PTPN6: variants seen among roughly 807,000 people sequenced by gnomAD.
The protein encoded by PTPN6 is tyrosine-protein phosphatase non-receptor type 6.
PTPN6 carries 18 observed loss-of-function variants against 81.5 expected under a neutral mutation model. The observed-to-expected ratio is 0.22, with a 90% confidence interval of 0.15 to 0.33. The LOEUF is 0.33. PTPN6 is among the 10% of genes least tolerant of loss of function. The probability of loss-of-function intolerance (pLI) is 1.00; values close to 1 mark genes in which losing one functional copy is unlikely to be tolerated. For synonymous variants in PTPN6, 301 were observed against 310.9 expected, an observed-to-expected ratio of 0.97 and a Z score of 0.33; for missense variants, 500 against 794.2, an observed-to-expected ratio of 0.63 and a Z score of 4.45.
chr12:6,956,280 G>C lies in PTPN6; in HGVS notation c.924+59G>C, dbSNP rs1049269942. ...GGGCCCTGGGAATTCCCTGTCTGGT[G>C]GGGGGACCCTAGATCCAGAGACAGC... is the stretch of plus-strand genomic sequence containing the variant. On this transcript the variant is annotated intron_variant, in intron 8 of 15. Coordinates refer to ENST00000318974, the MANE Select transcript of PTPN6 (RefSeq NM_002831.6). This position sits in a 1 kb window ranked among gnomAD's most constrained non-coding sequence, Gnocchi z 4.1. The C allele has an allele frequency of 3.1e-6, 5 of 1,607,346 alleles. No individual in the cohort carries two copies. Among genetic ancestry groups the C allele is most frequent in the Non-Finnish European group, 3.4e-6 (4 of 1,174,268 alleles).
Position 6,954,760 on chromosome 12 carries a change from C to A in PTPN6, c.327-45C>A, listed in dbSNP as rs373972674. The stretch of plus-strand genomic sequence containing the variant: ...TGTGAATGTCTCTGCTCAGCGCCTT[C>A]CCCTGTGGCCTGGGTCTTACCTTCC... On this transcript the variant is annotated intron_variant, in intron 3 of 15. Coordinates refer to ENST00000318974, the MANE Select transcript of PTPN6 (RefSeq NM_002831.6). This position sits in a 1 kb window ranked among gnomAD's most constrained non-coding sequence, Gnocchi z 5.4. The A allele has an allele frequency of 3.2e-6, 5 of 1,587,236 alleles. No individual in the cohort carries two copies. In the African/African-American group the frequency reaches 5.4e-5, roughly 17 times the overall value.
rs1179500053 is a variant in PTPN6, at chr12:6,958,084, T to C, written c.1361+11T>C. The C allele has an allele frequency of 1.2e-6, 2 of 1,609,064 alleles. No homozygotes were observed. Among genetic ancestry groups the C allele is most frequent in the Non-Finnish European group, 1.7e-6 (2 of 1,179,994 alleles). ...CATCGTGCACTGCAGGTGAGGATGA[T>C]AATCCTGATGGTAGTAGTGACAGCT... is the stretch of plus-strand genomic sequence containing the variant. On this transcript the variant is annotated intron_variant, in intron 11 of 15. Coordinates refer to ENST00000318974, the MANE Select transcript of PTPN6 (RefSeq NM_002831.6).
rs1555148930 is a variant in PTPN6 at position 6,957,655 on chromosome 12, A to G, written c.1076A>G (p.Asn359Ser). Residue 359 changes from asparagine (N) to serine (S), a missense_variant and splice_region_variant, in exon 10 of 16, where the codon AAC (asparagine) becomes AGC (serine). By Grantham distance (46) the Asn-to-Ser change is conservative (BLOSUM62 1). This residue lies in a region of PTPN6 where 226 missense variants were observed against 364.4 expected (regional missense o/e 0.62). Transcript: ENST00000318974. This position sits in a 1 kb window ranked among gnomAD's most constrained non-coding sequence, Gnocchi z 6.5. ...MTTREVEKGRNKCVPYWPEVG... is the reference protein window; with the variant it reads ...MTTREVEKGRSKCVPYWPEVG... ...CCCCACCCGACCCTCCCTTTCCAGA[A>G]CAAATGCGTCCCATACTGGCCCGAG... 3 of 1,612,814 alleles carry G rather than the reference A, an allele frequency of 1.9e-6. No individual in the cohort carries two copies. The highest frequency in any genetic ancestry group is 1.7e-4 in the Middle Eastern group (1 of 6,056).
At position 6,957,646 on chromosome 12, in the gene PTPN6, C is replaced by CCCA; in HGVS notation, c.1075-8_1075-7insCCA. ...GTGCCTCATCCCCACCCGACCCTCCCTTTCCAGAACAAATGCGTCCCATAC... is the reference window on the plus strand; with the variant it reads ...GTGCCTCATCCCCACCCGACCCTCCCCCATTTCCAGAACAAATGCGTCCCATAC... On this transcript the variant is annotated splice_region_variant and splice_polypyrimidine_tract_variant and intron_variant, in intron 9 of 15. Transcript: ENST00000318974. The surrounding 1 kb of genome is among the most constrained non-coding windows in gnomAD (Gnocchi z 6.5). 6.2e-7 allele frequency: 1 copy of CCCA among 1,609,348 alleles called. No homozygotes were observed. The highest frequency in any genetic ancestry group is 8.5e-7 in the Non-Finnish European group (1 of 1,176,790).
Position 6,951,693 on chromosome 12 carries a change from C to T in PTPN6, c.93C>T (p.Pro31=). The change falls in exon 2 of 16, where the codon CCC becomes CCT. Residue 31 remains proline, a synonymous_variant. Transcript: ENST00000318974. The surrounding 1 kb of genome is among the most constrained non-coding windows in gnomAD (Gnocchi z 7.2). The part of the protein sequence containing the change: ...RGVHGSFLAR[P]SRKNQGDFSL... ...TCCACGGTAGCTTCCTGGCTCGGCC[C>T]AGTCGCAAGAACCAGGGTGACTTCT... 1 of 1,613,610 alleles carries T rather than the reference C, an allele frequency of 6.2e-7. No individual in the cohort carries two copies. The highest frequency in any genetic ancestry group is 1.1e-5 in the South Asian group (1 of 91,080).
chr12:6,959,612 T>G lies in PTPN6; in HGVS notation c.1362-315T>G. 18 of 519,314 alleles carry G rather than the reference T, an allele frequency of 3.5e-5. No individual in the cohort carries two copies. The highest frequency in any genetic ancestry group is 1.0e-4 in the East Asian group (3 of 29,204). 32.2% of individuals were successfully genotyped at this position (519,314 alleles called of 1,614,324 possible). A position where few individuals can be genotyped will look rare whatever the true frequency, so the allele number is the denominator to read the frequency against. On this transcript the variant is annotated intron_variant, in intron 11 of 15. Coordinates refer to ENST00000318974, the MANE Select transcript of PTPN6 (RefSeq NM_002831.6). This position sits in a 1 kb window ranked among gnomAD's most constrained non-coding sequence, Gnocchi z 6.6. The stretch of plus-strand genomic sequence containing the variant: ...GGGAGCCGGCAGGACAGTGGTGGGA[T>G]TTGGGGGTCCCAGGTCTTCCGGGGT...
Position 6,957,394 on chromosome 12 carries a change from C to CA in PTPN6, c.1075-259dup, listed in dbSNP as rs1946050037. ...TGTCTGTGAAGCTGTGTGGTTTGCA[C>CA]AGCTTCGGGGACAATGCCTGCCCTG... On this transcript the variant is annotated intron_variant, in intron 9 of 15. Transcript: ENST00000318974. This position sits in a 1 kb window ranked among gnomAD's most constrained non-coding sequence, Gnocchi z 6.5. Among the ~76,000 whole-genome samples the CA allele has an allele frequency of 6.6e-6, 1 of 152,244 alleles. No individual in the cohort carries two copies. Among genetic ancestry groups the CA allele is most frequent in the Non-Finnish European group, 1.5e-5 (1 of 68,042 alleles).
upstream of PTPN6, chr12:6,946,822 G>C: frequency 7.0e-7 from 1 of 1,421,922 alleles, no homozygotes; most frequent in Non-Finnish European, 9.8e-7. Flanking sequence ...ACTCCGACGT[G>C]TGTGAACGTG....
Position 6,957,882 on chromosome 12 carries a change from GA to G in PTPN6, c.1207-36del. On this transcript the variant is annotated intron_variant, in intron 10 of 15. Transcript: ENST00000318974. The surrounding 1 kb of genome is among the most constrained non-coding windows in gnomAD (Gnocchi z 6.5). ...GGGTGAGATGGATGAGGTGTTCCGA[GA>G]GAGGAGGGGGCACTGACCCTATGTC... The G allele has an allele frequency of 6.2e-7, 1 of 1,614,026 alleles. No homozygotes were observed. The highest frequency in any genetic ancestry group is 8.5e-7 in the Non-Finnish European group (1 of 1,180,024).
rs950701763 is a variant in PTPN6, at chr12:6,960,461, C to T, written c.1673+26C>T. 1.6e-5 allele frequency: 25 copies of T among 1,598,858 alleles called. No individual in the cohort carries two copies. Among genetic ancestry groups the T allele is most frequent in the African/African-American group, 8.0e-5 (6 of 74,710 alleles). On this transcript the variant is annotated intron_variant, in intron 14 of 15. Coordinates refer to ENST00000318974, the MANE Select transcript of PTPN6 (RefSeq NM_002831.6). The surrounding 1 kb of genome is among the most constrained non-coding windows in gnomAD (Gnocchi z 6.1). Reference sequence around the variant, plus strand: ...GTGAGTGGCCCTGACTGCCACTGCCCGGCATCCACCCCTTTGTCCTGCCCA... The same window carrying T: ...GTGAGTGGCCCTGACTGCCACTGCCTGGCATCCACCCCTTTGTCCTGCCCA...
At chr12:6,946,814 T>TC, upstream of PTPN6, 2 of 1,458,242 alleles carry the variant, frequency 1.4e-6, no homozygotes, top group Non-Finnish European at 9.5e-7. Context: ...TGATGCTCAC[T>TC]CCGACGTGTG....
chr12:6,956,447 C>T lies in PTPN6; in HGVS notation c.953C>T (p.Ala318Val), dbSNP rs1555148704. The T allele has an allele frequency of 1.2e-6, 2 of 1,614,168 alleles. No individual in the cohort carries two copies. Among genetic ancestry groups the T allele is most frequent in the South Asian group, 2.2e-5 (2 of 91,084 alleles). ...CAGCTGCTAGGCCCTGATGAGAACG[C>T]TAAGACCTACATCGCCAGCCAGGGT... Reference protein sequence around the residue: ...KNQLLGPDENAKTYIASQGCL... With the variant: ...KNQLLGPDENVKTYIASQGCL... Residue 318 changes from alanine to valine, a missense_variant, in exon 9 of 16, where the codon GCT becomes GTT. Coordinates refer to ENST00000318974, the MANE Select transcript of PTPN6 (RefSeq NM_002831.6). This position sits in a 1 kb window ranked among gnomAD's most constrained non-coding sequence, Gnocchi z 4.1.
At position 6,955,320 on chromosome 12, in the gene PTPN6, G is replaced by A. The variant is rs1400578733; in HGVS notation, c.634-52G>A. On this transcript the variant is annotated intron_variant, in intron 5 of 15. Coordinates refer to ENST00000318974, the MANE Select transcript of PTPN6 (RefSeq NM_002831.6). This position sits in a 1 kb window ranked among gnomAD's most constrained non-coding sequence, Gnocchi z 7.2. ...ACTTCCCCTGAGCTGTCCCCCAGAT[G>A]TGAGCTTCTGGGATCTCTGAGTTGC... 4 of 1,611,104 alleles carry A rather than the reference G, an allele frequency of 2.5e-6. No homozygotes were observed. The African/African-American group carries it at 4.0e-5, about 16-fold the overall frequency.
Position 6,955,123 on chromosome 12 carries a change from G to A in PTPN6, c.517-28G>A. ...ACCCAGGGAGGGAGACTCAAGTCCT[G>A]TGAATGGCCTAATTTGGCTCCCCCC... On this transcript the variant is annotated intron_variant, in intron 4 of 15. Coordinates refer to ENST00000318974, the MANE Select transcript of PTPN6 (RefSeq NM_002831.6). This position sits in a 1 kb window ranked among gnomAD's most constrained non-coding sequence, Gnocchi z 7.2. 1 of 1,612,536 alleles carries A rather than the reference G, an allele frequency of 6.2e-7. No homozygotes were observed. Among genetic ancestry groups the A allele is most frequent in the Non-Finnish European group, 8.5e-7 (1 of 1,178,512 alleles).
chr12:6,952,385 CCCCGAGGAAG>C lies in PTPN6; in HGVS notation c.326+211_326+220del. ...CTAACCTACCACCCTTTCCACCTAA[CCCCGAGGAAG>C]CCACAGAAAGCTGCCTCGCCCTACT... On this transcript the variant is annotated intron_variant, in intron 3 of 15. Transcript: ENST00000318974. The surrounding 1 kb of genome is among the most constrained non-coding windows in gnomAD (Gnocchi z 8.1). 1.6e-6 allele frequency: 1 copy of C among 638,936 alleles called. No homozygotes were observed. The highest frequency in any genetic ancestry group is 2.7e-6 in the Non-Finnish European group (1 of 372,426). 39.6% of individuals were successfully genotyped at this position (638,936 alleles called of 1,614,324 possible). A position where few individuals can be genotyped will look rare whatever the true frequency, so the allele number is the denominator to read the frequency against.
At chr12:6,948,117 C>G (rs1052059866), upstream of PTPN6, among the ~76,000 whole-genome samples, 1 of 151,576 alleles carries the variant, frequency 6.6e-6, no homozygotes, top group Non-Finnish European at 1.5e-5. Flanking sequence ...GAGACCCCAT[C>G]TCTATTAAAA....
upstream of PTPN6, among the ~76,000 whole-genome samples, chr12:6,950,152 G>T (rs192919300): frequency 6.7e-6 from 1 of 148,772 alleles, no homozygotes; most frequent in East Asian, 2.0e-4. Flanking sequence ...TACCCTAAAA[G>T]TTTCCCAGAA....
At chr12:6,949,392 C>T (rs1945888544), upstream of PTPN6, among the ~76,000 whole-genome samples, 1 of 152,200 alleles carries the variant, frequency 6.6e-6, no homozygotes. Context: ...TGGGCTGTGG[C>T]AGTGCCCATC....
chr12:6,959,380 T>G lies in PTPN6; in HGVS notation c.1362-547T>G, dbSNP rs1946088687. 1 of 177,116 alleles carries G rather than the reference T, an allele frequency of 5.6e-6. No homozygotes were observed. Among genetic ancestry groups the G allele is most frequent in the South Asian group, 1.1e-4 (1 of 9,360 alleles). The allele number at this position is 177,116 out of a possible 1,614,324, so 11.0% of individuals were successfully genotyped here. Reference sequence around the variant, plus strand: ...GCTGAGGGTGGGCCTGGGGTCTCCCTGAGGTCTGTTTGCCCAGGGCTGGGA... The same window carrying G: ...GCTGAGGGTGGGCCTGGGGTCTCCCGGAGGTCTGTTTGCCCAGGGCTGGGA... On this transcript the variant is annotated intron_variant, in intron 11 of 15. Coordinates refer to ENST00000318974, the MANE Select transcript of PTPN6 (RefSeq NM_002831.6). This position sits in a 1 kb window ranked among gnomAD's most constrained non-coding sequence, Gnocchi z 6.6.
Sources: allele counts gnomAD v4.1 joint callset (sites outside exome capture counted in the v4.1 genomes callset), GRCh38; gene constraint gnomAD v4.1.1; regional missense constraint gnomAD v4.1.1; non-coding constraint Gnocchi (gnomAD v3.1); transcripts MANE v1.5; gene names NCBI Gene and HGNC (gene_info 2026-07-23, HGNC 2026-07-21).